Variants in SMARCD2 observed in about 807,000 individuals in gnomAD.
The protein encoded by SMARCD2 is SWI/SNF related BAF chromatin remodeling complex subunit D2.
A neutral mutation model predicts 70.4 loss-of-function variants in SMARCD2; 39 were observed. The ratio of observed to expected loss-of-function variants is 0.55; its 90% CI spans 0.43 to 0.72. The LOEUF is 0.72. Ranked by LOEUF, SMARCD2 falls within the 30% of genes least tolerant of loss-of-function variation. The pLI is 0.00. For synonymous variants in SMARCD2, 249 were observed against 279.4 expected (o/e 0.89, Z 1.08); for missense variants, 540 against 713.4 (o/e 0.76, Z 2.77).
intron 4 of SMARCD2, 36 bp downstream of exon 4, chr17:63,836,886 C>T: frequency 6.3e-7 from 1 of 1,587,980 alleles, no homozygotes; most frequent in South Asian, 1.1e-5. Context: ...GGCAAGGAAA[C>T]CTGGGAAGGC....
chr17:63,840,060 C>T lies in SMARCD2; in HGVS notation c.216+2399G>A, dbSNP rs556726354. ...CAGAGGATTGTTTGAACCTGGGAGGCGGAGGTTGCAGTGAGCTGAGATCAT... is the reference window on the plus strand; with the variant it reads ...CAGAGGATTGTTTGAACCTGGGAGGTGGAGGTTGCAGTGAGCTGAGATCAT... On this transcript the variant is annotated intron_variant, in intron 1 of 12. Coordinates refer to ENST00000448276, the MANE Select transcript of SMARCD2 (RefSeq NM_001098426.2). Among the ~76,000 whole-genome samples, 59 of 151,724 alleles carry T rather than the reference C, an allele frequency of 3.9e-4. No homozygotes were observed. The South Asian group carries it at 0.012, about 31-fold the overall frequency.
At chr17:63,835,733 C>A (rs1010913349) in intron 4 of SMARCD2, 166 bp from the exon 5 acceptor site, 2 of 552,704 alleles carry the variant, frequency 3.6e-6, no homozygotes, top group Non-Finnish European at 6.1e-6. Flanking sequence ...CCAGTCCCAG[C>A]CTTTTTTTTT....
chr17:63,835,311 T>C (rs2040251402), intron 5 of SMARCD2, 101 bp downstream of exon 5: 2 of 1,259,604 alleles, frequency 1.6e-6, no homozygotes, highest in Non-Finnish European at 2.2e-6. Context: ...TTTGTAGAGA[T>C]GGGGTCTGGC....
rs2040204789 is a variant in SMARCD2, at chr17:63,832,517, A to G, written c.*421T>C. ...GGCTGGGCTTGTAGGAATGGCAAAG[A>G]ACTTTGGTTTAGAAAGGCTAGGAAG... On this transcript the variant is annotated 3_prime_UTR_variant, in exon 13 of 13. Coordinates refer to ENST00000448276, the MANE Select transcript of SMARCD2 (RefSeq NM_001098426.2). 4.4e-6 allele frequency: 1 copy of G among 228,142 alleles called. No individual in the cohort carries two copies. Among genetic ancestry groups the G allele is most frequent in the African/African-American group, 2.3e-5 (1 of 43,502 alleles). 14.1% of individuals were successfully genotyped at this position (228,142 alleles called of 1,614,324 possible).
Position 63,832,277 on chromosome 17 carries a change from C to T in SMARCD2, c.*661G>A, listed in dbSNP as rs1026910866. ...CTAGAGAACTGGAGTGTCCCCTCCC[C>T]GGCCCAAGCCGCTGGAGAGGCAGCC... On this transcript the variant is annotated 3_prime_UTR_variant, in exon 13 of 13. Transcript: ENST00000448276. 20 of 389,626 alleles carry T rather than the reference C, an allele frequency of 5.1e-5. No homozygotes were observed. The highest frequency in any genetic ancestry group is 8.0e-5 in the Non-Finnish European group (17 of 212,622). The allele number at this position is 389,626 out of a possible 1,614,324, so 24.1% of individuals were successfully genotyped here.
rs1458060971 is a variant in SMARCD2, at chr17:63,842,204, A to C, written c.216+255T>G. On this transcript the variant is annotated intron_variant, in intron 1 of 12. Coordinates refer to ENST00000448276, the MANE Select transcript of SMARCD2 (RefSeq NM_001098426.2). ...GGCTCCCCAAACTCCTCCATCTCCCAGTCACTCGGAATCCCTGTGCCGCGG... is the reference window on the plus strand; with the variant it reads ...GGCTCCCCAAACTCCTCCATCTCCCCGTCACTCGGAATCCCTGTGCCGCGG... Among the ~76,000 whole-genome samples the C allele has an allele frequency of 2.0e-5, 3 of 151,872 alleles. No homozygotes were observed. The East Asian group carries it at 5.8e-4, about 29-fold the overall frequency.
rs1021910687 is a variant in SMARCD2, at chr17:63,834,284, T to G, written c.966A>C (p.Gly322=). 1.5e-5 allele frequency: 24 copies of G among 1,612,030 alleles called. No homozygotes were observed. The highest frequency in any genetic ancestry group is 2.0e-5 in the Non-Finnish European group (24 of 1,179,162). ...TGGCGGCCCTCGTCTGCGTGTGCAC[T>G]CCCAGCAGCCTTGCCAATCGGGGGT... The part of the protein sequence containing the change: ...KLDPRLARLL[G]VHTQTRAAIM... Residue 322 remains glycine, a synonymous_variant, in exon 8 of 13, where the codon GGA becomes GGC. Transcript: ENST00000448276. This position sits in a 1 kb window ranked among gnomAD's most constrained non-coding sequence, Gnocchi z 5.6.
At chr17:63,839,604 C>A (rs79343246) in intron 1 of SMARCD2, among the ~76,000 whole-genome samples, 5 of 150,344 alleles carry the variant, frequency 3.3e-5, no homozygotes, top group East Asian at 2.0e-4. Flanking sequence ...CAAAAAAAAA[C>A]AACTCAGGAG....
rs577418122 is a variant in SMARCD2, at chr17:63,835,532, C to A, written c.603G>T (p.Thr201=). 6.2e-7 allele frequency: 1 copy of A among 1,613,974 alleles called. No homozygotes were observed. The highest frequency in any genetic ancestry group is 1.3e-5 in the African/African-American group (1 of 75,030). The change falls in exon 5 of 13, where the codon ACG becomes ACT. Residue 201 remains threonine (T), a synonymous_variant. Transcript: ENST00000448276. Reference sequence around the variant, plus strand: ...CGCCTTCCGCCTTGCTGGGACTGAACGTATTGGAAATGTAGATCCGAAGCT... The same window carrying A: ...CGCCTTCCGCCTTGCTGGGACTGAAAGTATTGGAAATGTAGATCCGAAGCT... ...KRKLRIYISN[T]FSPSKAEGDS... is the part of the protein sequence containing the mutation.
In SMARCD2 at chr17:63,838,286, G is replaced by A. The variant is rs192019725; in HGVS notation, c.217-661C>T. 5.3e-3 allele frequency among the ~76,000 whole-genome samples: 808 copies of A among 152,054 alleles called. 5 individuals are homozygous for A. Among genetic ancestry groups the A allele is most frequent in the African/African-American group, 0.018 (737 of 41,474 alleles). Reference sequence around the variant, plus strand: ...GTACCCTGTAGTCTGGTATCACATAGCCCCCACCCACAGCCCAGAACTGGA... The same window carrying A: ...GTACCCTGTAGTCTGGTATCACATAACCCCCACCCACAGCCCAGAACTGGA... On this transcript the variant is annotated intron_variant, in intron 1 of 12. Transcript: ENST00000448276.
rs1301950913 is a variant in SMARCD2, at chr17:63,832,736, A to G, written c.*202T>C. The G allele has an allele frequency of 1.2e-5, 7 of 608,318 alleles. No individual in the cohort carries two copies. The highest frequency in any genetic ancestry group is 1.5e-5 in the Non-Finnish European group (5 of 340,890). The allele number at this position is 608,318 out of a possible 1,614,324, so 37.7% of individuals were successfully genotyped here. On this transcript the variant is annotated 3_prime_UTR_variant, in exon 13 of 13. Coordinates refer to ENST00000448276, the MANE Select transcript of SMARCD2 (RefSeq NM_001098426.2). ...GCAGAGGAGGCATCTGCTGAACCCA[A>G]TTAAAGCCAATGCAAAAAGTATAAG...
At chr17:63,835,883 C>A (rs1426900155) in intron 4 of SMARCD2, among the ~76,000 whole-genome samples, 1 of 152,132 alleles carries the variant, frequency 6.6e-6, no homozygotes. Context: ...TGCGCACCAC[C>A]ATGCCCAGCT....
chr17:63,842,581 CG>C lies in SMARCD2; in HGVS notation c.93del (p.Ala32ArgfsTer80), dbSNP rs1379892630. 2 of 1,207,748 alleles carry C rather than the reference CG, an allele frequency of 1.7e-6. No homozygotes were observed. Among genetic ancestry groups the C allele is most frequent in the East Asian group, 3.4e-5 (1 of 29,368 alleles). 74.8% of individuals were successfully genotyped at this position (1,207,748 alleles called of 1,614,324 possible). A position where few individuals can be genotyped will look rare whatever the true frequency, so the allele number is the denominator to read the frequency against. On this transcript the variant is annotated frameshift_variant, in exon 1 of 13. Transcript: ENST00000448276. LOFTEE classifies it high-confidence loss of function. ...VAAALGAPPP[P>X]AGPGMLPGPA... ...GGTCCGGGCAGCATGCCGGGTCCCG[CG>C]GGGGGAGGCGGCGCTCCCAGGGCCG...
chr17:63,835,576 A>G lies in SMARCD2; in HGVS notation c.568-9T>C. ...CGAAGCTTTCGCTTTTGCTAAAGAG[A>G]GAAAGGCAATCACAACTGGAGGTGG... On this transcript the variant is annotated splice_polypyrimidine_tract_variant and intron_variant, in intron 4 of 12. Transcript: ENST00000448276. The G allele has an allele frequency of 6.2e-7, 1 of 1,613,454 alleles. No individual in the cohort carries two copies. The highest frequency in any genetic ancestry group is 8.5e-7 in the Non-Finnish European group (1 of 1,179,582).
chr17:63,835,227 ATCC>A, intron 5 of SMARCD2, 182 bp downstream of exon 5: 1 of 597,100 alleles, frequency 1.7e-6, no homozygotes, highest in East Asian at 2.9e-5. Context: ...GGCTCAAGCC[ATCC>A]TCCTGCATCA....
In SMARCD2 at chr17:63,834,461, G is replaced by A. The variant is rs545949086; in HGVS notation, c.921+13C>T. 1.9e-6 allele frequency: 3 copies of A among 1,572,684 alleles called. No homozygotes were observed. Among genetic ancestry groups the A allele is most frequent in the Non-Finnish European group, 2.6e-6 (3 of 1,153,510 alleles). ...CCCTGTGGGCCCAGAAATGACCCCAGGGTCTCTGTCACCTGATGATCCAGC... is the reference window on the plus strand; with the variant it reads ...CCCTGTGGGCCCAGAAATGACCCCAAGGTCTCTGTCACCTGATGATCCAGC... On this transcript the variant is annotated intron_variant, in intron 7 of 12. Coordinates refer to ENST00000448276, the MANE Select transcript of SMARCD2 (RefSeq NM_001098426.2). The surrounding 1 kb of genome is among the most constrained non-coding windows in gnomAD (Gnocchi z 5.6).
rs748794009 is a variant in SMARCD2, at chr17:63,834,698, C to T, written c.819+7G>A. 6.2e-7 allele frequency: 1 copy of T among 1,609,728 alleles called. No homozygotes were observed. Among genetic ancestry groups the T allele is most frequent in the Non-Finnish European group, 8.5e-7 (1 of 1,175,986 alleles). On this transcript the variant is annotated splice_region_variant and intron_variant, in intron 6 of 12. Coordinates refer to ENST00000448276, the MANE Select transcript of SMARCD2 (RefSeq NM_001098426.2). The surrounding 1 kb of genome is among the most constrained non-coding windows in gnomAD (Gnocchi z 5.6). The stretch of plus-strand genomic sequence containing the variant: ...TCAGCCTGCTTTTGCCCCAGGCCCA[C>T]TCTCACCTCCACCAGGTGATTGTCA...
At position 63,840,961 on chromosome 17, in the gene SMARCD2, C is replaced by T. The variant is rs868252880; in HGVS notation, c.216+1498G>A. 3.3e-5 allele frequency among the ~76,000 whole-genome samples: 5 copies of T among 152,388 alleles called. No individual in the cohort carries two copies. In the Middle Eastern group the frequency reaches 0.017, roughly 518 times the overall value. On this transcript the variant is annotated intron_variant, in intron 1 of 12. Transcript: ENST00000448276. ...ATCCTCTCAGGGGCTGTCCCAAGGGCACATTTCCTATGGCTTGCATGCCAA... is the reference window on the plus strand; with the variant it reads ...ATCCTCTCAGGGGCTGTCCCAAGGGTACATTTCCTATGGCTTGCATGCCAA...
At position 63,835,084 on chromosome 17, in the gene SMARCD2, C is replaced by T. The variant is rs1598358201; in HGVS notation, c.724-284G>A. 1.3e-5 allele frequency: 7 copies of T among 535,700 alleles called. No homozygotes were observed. In the South Asian group the frequency reaches 1.7e-4, roughly 13 times the overall value. The allele number at this position is 535,700 out of a possible 1,614,324, so 33.2% of individuals were successfully genotyped here. On this transcript the variant is annotated intron_variant, in intron 5 of 12. Coordinates refer to ENST00000448276, the MANE Select transcript of SMARCD2 (RefSeq NM_001098426.2). ...AACGGGCTTGGAGCAGCGCCCCCCTCCCTATGGCAGGACTTCTCTGGGAGC... is the reference window on the plus strand; with the variant it reads ...AACGGGCTTGGAGCAGCGCCCCCCTTCCTATGGCAGGACTTCTCTGGGAGC...
Sources: allele counts gnomAD v4.1 joint callset (sites outside exome capture counted in the v4.1 genomes callset), GRCh38; gene constraint gnomAD v4.1.1; non-coding constraint Gnocchi (gnomAD v3.1); transcripts MANE v1.5; gene names NCBI Gene and HGNC (gene_info 2026-07-23, HGNC 2026-07-21).